SLC39A11: variants seen among roughly 807,000 people sequenced by gnomAD.
The protein encoded by SLC39A11 is zinc transporter ZIP11.
SLC39A11 carries 33 observed loss-of-function variants against 36.1 expected under a neutral mutation model. The ratio of observed to expected loss-of-function variants is 0.91; its 90% CI spans 0.69 to 1.22. The LOEUF is 1.22. Among genes scored for constraint, SLC39A11 ranks in the 50% most tolerant of loss-of-function variants. The pLI is 0.00. For missense variants in SLC39A11, 432 were observed against 430.3 expected, an observed-to-expected ratio of 1.00 and a Z score of -0.03; for synonymous variants, 166 against 170.3, an observed-to-expected ratio of 0.97 and a Z score of 0.20.
At chr17:72,751,221 C>T (rs2075143243) in intron 6 of SLC39A11, among the ~76,000 whole-genome samples, 1 of 152,198 alleles carries the variant, frequency 6.6e-6, no homozygotes, top group South Asian at 2.1e-4. Flanking sequence ...GTACTCCAGC[C>T]TGGGCGACAG....
At chr17:72,770,105 G>A (rs1012903750) in intron 6 of SLC39A11, among the ~76,000 whole-genome samples, 7 of 152,174 alleles carry the variant, frequency 4.6e-5, no homozygotes, top group South Asian at 2.1e-4. Flanking sequence ...GCTGTGTCAC[G>A]GGCTCGTCCT....
chr17:72,870,013 CTTT>C (rs1198543006), intron 5 of SLC39A11, among the ~76,000 whole-genome samples: 1 of 151,126 alleles, frequency 6.6e-6, no homozygotes, highest in African/African-American at 2.4e-5. Context: ...TTGCAGCTTG[CTTT>C]TTTTTTCTTC....
At chr17:72,725,847 TA>T (rs2073906817) in intron 7 of SLC39A11, among the ~76,000 whole-genome samples, 1 of 152,084 alleles carries the variant, frequency 6.6e-6, no homozygotes, top group Non-Finnish European at 1.5e-5. Flanking sequence ...CTGCATAAAA[TA>T]AAATTGAGAG....
intron 5 of SLC39A11, among the ~76,000 whole-genome samples, chr17:72,945,558 A>G (rs2147686785): frequency 6.6e-6 from 1 of 152,318 alleles, no homozygotes; most frequent in East Asian, 1.9e-4. Flanking sequence ...TGAGAAGAAC[A>G]GCGACCTTTC....
chr17:72,705,628 G>T (rs1449115890), intron 7 of SLC39A11, among the ~76,000 whole-genome samples: 1 of 152,180 alleles, frequency 6.6e-6, no homozygotes, highest in African/African-American at 2.4e-5. Flanking sequence ...CTCGATGGCG[G>T]AGGTTGGATT....
At chr17:72,924,292 C>T (rs151224758) in intron 5 of SLC39A11, among the ~76,000 whole-genome samples, 30 of 151,304 alleles carry the variant, frequency 2.0e-4, no homozygotes, top group Middle Eastern at 3.5e-3. Context: ...CTAGTAAATC[C>T]TTTTAGTTGA....
chr17:72,812,764 G>T (rs574885770), intron 6 of SLC39A11, among the ~76,000 whole-genome samples: 167 of 152,282 alleles, frequency 1.1e-3, no homozygotes, highest in African/African-American at 3.8e-3. Flanking sequence ...TAGCAAGTTC[G>T]TTCTTGTAAC....
intron 6 of SLC39A11, among the ~76,000 whole-genome samples, chr17:72,776,482 A>T (rs1318733928): frequency 6.6e-6 from 1 of 152,104 alleles, no homozygotes; most frequent in East Asian, 1.9e-4. Flanking sequence ...TGAAATCTGT[A>T]TCAAAATGTT....
intron 5 of SLC39A11, among the ~76,000 whole-genome samples, chr17:72,880,413 C>T (rs773600851): frequency 1.4e-4 from 21 of 150,798 alleles, no homozygotes; most frequent in Non-Finnish European, 2.5e-4. Context: ...TACTCCCCCA[C>T]AAAAAAAAAC....
At chr17:72,869,307 A>C (rs1490690716) in intron 5 of SLC39A11, among the ~76,000 whole-genome samples, 3 of 152,248 alleles carry the variant, frequency 2.0e-5, no homozygotes, top group Admixed American at 6.5e-5. Flanking sequence ...AACCTTGTGC[A>C]TGTTAAATAC....
intron 5 of SLC39A11, among the ~76,000 whole-genome samples, chr17:72,936,974 C>G (rs191320192): frequency 4.5e-4 from 69 of 152,334 alleles, no homozygotes; most frequent in Non-Finnish European, 7.6e-4. Context: ...CAGTTCCTAA[C>G]AGGCCACAGA....
chr17:72,899,085 T>C (rs982103222), intron 5 of SLC39A11, among the ~76,000 whole-genome samples: 1 of 152,106 alleles, frequency 6.6e-6, no homozygotes, highest in African/African-American at 2.4e-5. Context: ...TAAACCCAAA[T>C]AGGAACAAAA....
chr17:73,078,589 C>T (rs148177788), intron 3 of SLC39A11, among the ~76,000 whole-genome samples: 1,740 of 151,676 alleles, frequency 0.011, 56 homozygotes, highest in Admixed American at 0.053. Context: ...CGGGTTCAAG[C>T]GATTCTCCTG....
chr17:72,842,101 T>TGTGTGTGTGTGC (rs1038886075), intron 6 of SLC39A11, among the ~76,000 whole-genome samples: 23 of 150,938 alleles, frequency 1.5e-4, no homozygotes, highest in East Asian at 1.9e-4. Context: ...TGTGTGTGTG[T>TGTGTGTGTGTGC]GCACGCACGC....
intron 4 of SLC39A11, among the ~76,000 whole-genome samples, chr17:72,980,183 T>A (rs910398168): frequency 1.3e-5 from 2 of 152,200 alleles, no homozygotes; most frequent in African/African-American, 4.8e-5. Context: ...CAAAAAAAGG[T>A]ATTTTGTTTG....
At chr17:72,716,499 C>T (rs915265413) in intron 7 of SLC39A11, among the ~76,000 whole-genome samples, 1 of 151,496 alleles carries the variant, frequency 6.6e-6, no homozygotes, top group Non-Finnish European at 1.5e-5. Context: ...CTGAAGGCGG[C>T]CACAGAAAAA....
intron 5 of SLC39A11, among the ~76,000 whole-genome samples, chr17:72,898,801 A>C (rs1480294047): frequency 6.6e-6 from 1 of 152,224 alleles, no homozygotes; most frequent in African/African-American, 2.4e-5. Flanking sequence ...TCTTTTCTGC[A>C]GCGGCAGAAC....
chr17:72,684,777 G>A (rs954192629), intron 7 of SLC39A11, among the ~76,000 whole-genome samples: 6 of 152,190 alleles, frequency 3.9e-5, no homozygotes, highest in African/African-American at 1.4e-4. Flanking sequence ...GGAGTGGAGG[G>A]GTGAGCTTCC....
intron 4 of SLC39A11, among the ~76,000 whole-genome samples, chr17:73,009,058 CAAA>C (rs34448509): frequency 8.9e-5 from 7 of 78,788 alleles, no homozygotes; most frequent in African/African-American, 9.1e-5. Context: ...AGACCTGCCT[CAAA>C]AAAAAAAAAA....
Sources: gnomAD v4.1 joint callset for allele counts (sites outside exome capture counted in the v4.1 genomes callset) on GRCh38, gnomAD v4.1.1 for gene constraint, MANE v1.5 for transcripts, NCBI Gene and HGNC (gene_info 2026-07-23, HGNC 2026-07-21) for gene names.